Variants in FUZ observed in about 807,000 individuals in gnomAD.
The protein encoded by FUZ is protein fuzzy homolog.
Under a neutral mutation model 43.1 loss-of-function variants are expected in FUZ, and 31 were observed. That is an observed-to-expected ratio of 0.72 (90% CI 0.54 to 0.97). The LOEUF (loss-of-function observed/expected upper bound fraction) is 0.97, where lower values mean the gene tolerates loss of function less well. FUZ is among the 50% of genes least tolerant of loss of function. FUZ has a pLI of 0.00. For synonymous variants in FUZ, 274 were observed against 250.0 expected, an observed-to-expected ratio of 1.10 and a Z score of -0.91; for missense variants, 539 against 543.8, an observed-to-expected ratio of 0.99 and a Z score of 0.09.
At chr19:49,811,914 C>T (rs1341937588) in intron 3 of FUZ, among the ~76,000 whole-genome samples, 1 of 152,114 alleles carries the variant, frequency 6.6e-6, no homozygotes, top group Non-Finnish European at 1.5e-5. Flanking sequence ...TTGAGACCAG[C>T]CTGGCCAATA....
chr19:49,807,118 C>T lies in FUZ; in HGVS notation c.*33G>A. 2 of 1,611,508 alleles carry T rather than the reference C, an allele frequency of 1.2e-6. No homozygotes were observed. The highest frequency in any genetic ancestry group is 1.7e-6 in the Non-Finnish European group (2 of 1,179,520). ...AATAAACAGAGAGACGCTAACAGCCCCATGTCTGTGTCCATCACCCACTGC... is the reference window on the plus strand; with the variant it reads ...AATAAACAGAGAGACGCTAACAGCCTCATGTCTGTGTCCATCACCCACTGC... On this transcript the variant is annotated 3_prime_UTR_variant, in exon 11 of 11. Coordinates refer to ENST00000313777, the MANE Select transcript of FUZ (RefSeq NM_025129.5).
chr19:49,810,401 G>A (rs1024654433), intron 5 of FUZ, among the ~76,000 whole-genome samples: 3 of 151,928 alleles, frequency 2.0e-5, no homozygotes, highest in African/African-American at 7.3e-5. Flanking sequence ...TCAGCCGGGC[G>A]CGGTGGCTCA....
chr19:49,810,883 C>T (rs2073746284), intron 5 of FUZ, among the ~76,000 whole-genome samples: 1 of 152,074 alleles, frequency 6.6e-6, no homozygotes, highest in African/African-American at 2.4e-5. Flanking sequence ...GGCGCAGTGG[C>T]TCACGCCTGT....
Position 49,809,572 on chromosome 19 carries a change from C to T in FUZ, c.496G>A (p.Ala166Thr). 3 of 1,594,450 alleles carry T rather than the reference C, an allele frequency of 1.9e-6. No homozygotes were observed. Among genetic ancestry groups the T allele is most frequent in the Non-Finnish European group, 2.6e-6 (3 of 1,175,354 alleles). ...GCGGCCTCAGCGAACCCGGAGAGGG[C>T]TTCCTGGGTACGGGAGGCAGGAGGA... ...IPPEGSLLQE[A>T]LSGFAEAAGT... is the part of the protein sequence containing the mutation. Residue 166 changes from alanine (A) to threonine (T), a missense_variant, in exon 6 of 11, where the codon GCC becomes ACC. Coordinates refer to ENST00000313777, the MANE Select transcript of FUZ (RefSeq NM_025129.5). This position sits in a 1 kb window ranked among gnomAD's most constrained non-coding sequence, Gnocchi z 5.1.
In FUZ at chr19:49,811,457, C is replaced by G; in HGVS notation, c.398G>C (p.Cys133Ser). 1 of 1,613,938 alleles carries G rather than the reference C, an allele frequency of 6.2e-7. No individual in the cohort carries two copies. The highest frequency in any genetic ancestry group is 8.5e-7 in the Non-Finnish European group (1 of 1,179,870). Residue 133 changes from cysteine (C) to serine (S), a missense_variant, in exon 5 of 11, where the codon TGC becomes TCC. Transcript: ENST00000313777. ...RLKKDLRASY[C>S]LIDSFLGDSE... is the part of the protein sequence containing the mutation. The stretch of plus-strand genomic sequence containing the variant: ...GTCCCCCAGGAAGCTGTCGATGAGG[C>G]AATAACTGGCCTAGGAGAGGAAGAA...
At position 49,809,982 on chromosome 19, in the gene FUZ, A is replaced by G; in HGVS notation, c.493-407T>C. On this transcript the variant is annotated intron_variant, in intron 5 of 10. Transcript: ENST00000313777. The surrounding 1 kb of genome is among the most constrained non-coding windows in gnomAD (Gnocchi z 5.1). ...ACAAGAGCAGTATTTAAGTAGAGGT[A>G]GCTAGAGATCTGAGAGGCAGGAGGA... is the stretch of plus-strand genomic sequence containing the variant. The G allele has an allele frequency of 3.0e-6, 1 of 331,226 alleles. No homozygotes were observed. The highest frequency in any genetic ancestry group is 8.5e-5 in the East Asian group (1 of 11,738). 20.5% of individuals were successfully genotyped at this position (331,226 alleles called of 1,614,324 possible).
intron 7 of FUZ, 72 bp from the exon 8 acceptor site, chr19:49,808,895 A>G (rs2073586162): frequency 4.1e-6 from 5 of 1,224,838 alleles, no homozygotes; most frequent in South Asian, 3.9e-5. Flanking sequence ...GGGGGTGTAC[A>G]AGGATAGGGG....
intron 1 of FUZ, 22 bp downstream of exon 1, chr19:49,812,974 A>T (rs1459062422): frequency 7.1e-6 from 11 of 1,541,804 alleles, no homozygotes; most frequent in Non-Finnish European, 9.7e-6. Flanking sequence ...TTCGGTTTAG[A>T]TACAGGCGTC....
Position 49,809,384 on chromosome 19 carries a change from G to A in FUZ, c.684C>T (p.Ser228=), listed in dbSNP as rs573077541. ...GTGCCCGCCACCCACTCACCGTGGGGCTCCCGTGCGGCAGGTACACCGGGT... is the reference window on the plus strand; with the variant it reads ...GTGCCCGCCACCCACTCACCGTGGGACTCCCGTGCGGCAGGTACACCGGGT... ...RDYPVYLPHG[S]PTVPHRLLTL... The change falls in exon 6 of 11, where the codon AGC becomes AGT. Residue 228 remains serine, a synonymous_variant. Transcript: ENST00000313777. This position sits in a 1 kb window ranked among gnomAD's most constrained non-coding sequence, Gnocchi z 5.1. 7.3e-5 allele frequency: 112 copies of A among 1,544,376 alleles called. No individual in the cohort carries two copies. In the South Asian group the frequency reaches 1.2e-3, roughly 16 times the overall value.
rs1451774453 is a variant in FUZ at position 49,812,344 on chromosome 19, TG to T, written c.234-10del. Reference sequence around the variant, plus strand: ...GAACAATGAGGGTGATGCTGTGGAATGGAAGTGAGAAGAATGAGTCAAGGCC... The same window carrying T: ...GAACAATGAGGGTGATGCTGTGGAATGAAGTGAGAAGAATGAGTCAAGGCC... On this transcript the variant is annotated splice_polypyrimidine_tract_variant and intron_variant, in intron 2 of 10. Coordinates refer to ENST00000313777, the MANE Select transcript of FUZ (RefSeq NM_025129.5). The T allele has an allele frequency of 1.2e-6, 2 of 1,612,800 alleles. No individual in the cohort carries two copies. The highest frequency in any genetic ancestry group is 8.5e-7 in the Non-Finnish European group (1 of 1,178,872).
Position 49,806,907 on chromosome 19 carries a change from T to C in FUZ, c.*244A>G. 1 of 1,537,736 alleles carries C rather than the reference T, an allele frequency of 6.5e-7. No individual in the cohort carries two copies. ...GACTTTCCTCCGGCCTTTTGTATTTTTATTTTTGTTCATCTGCTGCTGTTT... is the reference window on the plus strand; with the variant it reads ...GACTTTCCTCCGGCCTTTTGTATTTCTATTTTTGTTCATCTGCTGCTGTTT... On this transcript the variant is annotated 3_prime_UTR_variant, in exon 11 of 11. Transcript: ENST00000313777.
At chr19:49,807,828 G>A (rs540747627) in intron 10 of FUZ, among the ~76,000 whole-genome samples, 3 of 152,184 alleles carry the variant, frequency 2.0e-5, no homozygotes, top group Non-Finnish European at 2.9e-5. Flanking sequence ...ATTCATCCGG[G>A]CTTCACTGGG....
rs768819337 is a variant in FUZ, at chr19:49,813,198, A to T, written c.-92T>A. Reference sequence around the variant, plus strand: ...CAGAGTAACTCGGCCTGTGGTCCGGAGCCGCCAGAGGGCGAGATGGGGAGC... The same window carrying T: ...CAGAGTAACTCGGCCTGTGGTCCGGTGCCGCCAGAGGGCGAGATGGGGAGC... On this transcript the variant is annotated 5_prime_UTR_variant, in exon 1 of 11. Coordinates refer to ENST00000313777, the MANE Select transcript of FUZ (RefSeq NM_025129.5). 8.6e-6 allele frequency: 10 copies of T among 1,165,170 alleles called. No homozygotes were observed. In the African/African-American group the frequency reaches 1.4e-4, roughly 16 times the overall value. 72.2% of individuals were successfully genotyped at this position (1,165,170 alleles called of 1,614,324 possible).
Position 49,811,394 on chromosome 19 carries a change from C to T in FUZ, c.461G>A (p.Cys154Tyr). The T allele has an allele frequency of 6.2e-7, 1 of 1,612,738 alleles. No homozygotes were observed. Among genetic ancestry groups the T allele is most frequent in the Non-Finnish European group, 8.5e-7 (1 of 1,179,350 alleles). The change falls in exon 5 of 11, where the codon TGC becomes TAC. Residue 154 changes from cysteine (C) to tyrosine (Y), a missense_variant. Cys to Tyr is a radical substitution (Grantham distance 194). Coordinates refer to ENST00000313777, the MANE Select transcript of FUZ (RefSeq NM_025129.5). ...LIGDLTQCVD[C>Y]VIPPEGSLLQ... is the part of the protein sequence containing the mutation. ...GAGGGACCCCTCTGGAGGAATCACG[C>T]AGTCCACACACTGGGTCAGGTCCCC...
chr19:49,808,376 C>T (rs766520008), intron 10 of FUZ, 38 bp downstream of exon 10: 1 of 1,592,370 alleles, frequency 6.3e-7, no homozygotes, highest in African/African-American at 1.3e-5. Flanking sequence ...ACTCAGTGTC[C>T]CCGCCTGCGC....
intron 10 of FUZ, among the ~76,000 whole-genome samples, chr19:49,807,937 C>T (rs1018530375): frequency 3.9e-5 from 6 of 152,194 alleles, no homozygotes; most frequent in Admixed American, 2.6e-4. Context: ...TGAAATCCTC[C>T]TCCATACCCT....
intron 7 of FUZ, 77 bp from the exon 8 acceptor site, chr19:49,808,900 TA>T: frequency 1.7e-6 from 2 of 1,169,194 alleles, no homozygotes; most frequent in Non-Finnish European, 2.4e-6. Context: ...TGTACAAGGA[TA>T]GGGGCGTGGT....
At chr19:49,807,635 T>A (rs971367601) in intron 10 of FUZ, among the ~76,000 whole-genome samples, 2 of 152,130 alleles carry the variant, frequency 1.3e-5, no homozygotes, top group African/African-American at 2.4e-5. Context: ...CAGGTGATCC[T>A]CTTAGCAATA....
chr19:49,808,957 C>A, intron 7 of FUZ, 134 bp from the exon 8 acceptor site: 1 of 876,190 alleles, frequency 1.1e-6, no homozygotes, highest in South Asian at 1.4e-5. Flanking sequence ...GGGCGGAGGG[C>A]AGAAGGGACT....
Sources: gnomAD v4.1 joint callset for allele counts (sites outside exome capture counted in the v4.1 genomes callset) on GRCh38, gnomAD v4.1.1 for gene constraint, Gnocchi (gnomAD v3.1) non-coding constraint, MANE v1.5 for transcripts, NCBI Gene and HGNC (gene_info 2026-07-23, HGNC 2026-07-21) for gene names.